Variants in GRM8 observed in about 807,000 individuals in gnomAD.
GRM8 encodes the protein glutamate metabotropic receptor 8, also known as metabotropic glutamate receptor 8.
GRM8 carries 47 observed loss-of-function variants against 87.2 expected under a neutral mutation model. The observed-to-expected ratio is 0.54, with a 90% CI of 0.43 to 0.69. GRM8 has a LOEUF of 0.69. GRM8 is among the 30% of genes least tolerant of loss of function. GRM8 has a pLI of 0.00. For missense variants in GRM8, 1,019 were observed against 1,139.2 expected, an observed-to-expected ratio of 0.89 and a Z score of 1.52; for synonymous variants, 396 against 404.5, an observed-to-expected ratio of 0.98 and a Z score of 0.25.
chr7:126,631,966 C>G (rs184038083), intron 7 of GRM8, among the ~76,000 whole-genome samples: 2 of 152,220 alleles, frequency 1.3e-5, no homozygotes, highest in Non-Finnish European at 2.9e-5. Flanking sequence ...AGGACATAGG[C>G]ATGGGCAAAG....
chr7:126,525,909 T>A (rs1198679099), intron 9 of GRM8, among the ~76,000 whole-genome samples: 1 of 152,222 alleles, frequency 6.6e-6, no homozygotes, highest in Non-Finnish European at 1.5e-5. Flanking sequence ...TTTCTTTTAA[T>A]TATTCAAATA....
At chr7:127,168,258 C>G (rs999558168) in intron 2 of GRM8, among the ~76,000 whole-genome samples, 2 of 152,182 alleles carry the variant, frequency 1.3e-5, no homozygotes, top group Non-Finnish European at 2.9e-5. Flanking sequence ...TTTTAAAAAG[C>G]TCTTCATCAC....
chr7:126,992,374 AC>A (rs1812743137), intron 3 of GRM8, among the ~76,000 whole-genome samples: 1 of 152,218 alleles, frequency 6.6e-6, no homozygotes, highest in South Asian at 2.1e-4. Flanking sequence ...TTAAAAATCT[AC>A]AAAAAGCCAC....
chr7:126,453,494 CTTAACCT>C (rs1200342687), intron 9 of GRM8, among the ~76,000 whole-genome samples: 2 of 151,682 alleles, frequency 1.3e-5, no homozygotes, highest in African/African-American at 4.8e-5. Flanking sequence ...TTTCTGAACC[CTTAACCT>C]TGGAATGATT....
intron 3 of GRM8, among the ~76,000 whole-genome samples, chr7:127,060,824 T>A (rs1034164493): frequency 2.3e-4 from 33 of 142,352 alleles, no homozygotes; most frequent in Admixed American, 5.5e-4. Context: ...AAAAAAAAAA[T>A]TTAACTCATT....
intron 7 of GRM8, among the ~76,000 whole-genome samples, chr7:126,684,199 T>C (rs1807919677): frequency 6.6e-6 from 1 of 152,138 alleles, no homozygotes; most frequent in South Asian, 2.1e-4. Flanking sequence ...AGGCTGATAC[T>C]CTGAACCTAG....
intron 3 of GRM8, among the ~76,000 whole-genome samples, chr7:126,964,986 G>A (rs1319652745): frequency 1.3e-5 from 2 of 152,120 alleles, no homozygotes; most frequent in Non-Finnish European, 1.5e-5. Flanking sequence ...GCCATAAAAA[G>A]GATGAGTTCA....
At chr7:126,753,732 A>T (rs143371102) in intron 7 of GRM8, among the ~76,000 whole-genome samples, 1 of 152,024 alleles carries the variant, frequency 6.6e-6, no homozygotes, top group East Asian at 1.9e-4. Context: ...TTCCACCTCA[A>T]ATACTGAAAG....
At chr7:126,701,224 G>T (rs901873015) in intron 7 of GRM8, among the ~76,000 whole-genome samples, 2 of 152,138 alleles carry the variant, frequency 1.3e-5, no homozygotes, top group African/African-American at 4.8e-5. Context: ...AGGCCCGGAA[G>T]GTTGGGGGTG....
intron 9 of GRM8, among the ~76,000 whole-genome samples, chr7:126,464,662 C>T (rs957467536): frequency 5.9e-5 from 9 of 151,372 alleles, no homozygotes; most frequent in African/African-American, 1.7e-4. Context: ...GAGGTTGCCA[C>T]GAGGCTTGCA....
At chr7:126,516,355 C>A (rs767050069) in intron 9 of GRM8, among the ~76,000 whole-genome samples, 5 of 152,066 alleles carry the variant, frequency 3.3e-5, no homozygotes, top group African/African-American at 1.2e-4. Context: ...GAACATTGTT[C>A]CTCTGTAGAA....
At chr7:126,999,392 G>C (rs2132018408) in intron 3 of GRM8, among the ~76,000 whole-genome samples, 1 of 151,826 alleles carries the variant, frequency 6.6e-6, no homozygotes, top group Non-Finnish European at 1.5e-5. Context: ...GGGCAAATGG[G>C]ATCACATCAG....
At chr7:126,968,228 TGAAAA>T (rs1810069962) in intron 3 of GRM8, among the ~76,000 whole-genome samples, 2 of 152,174 alleles carry the variant, frequency 1.3e-5, no homozygotes, top group South Asian at 4.1e-4. Flanking sequence ...GCTCTTAAAA[TGAAAA>T]GAAAATTGTG....
At chr7:126,532,931 A>C (rs773391850) in intron 9 of GRM8, 21 bp downstream of exon 9, 2 of 1,456,544 alleles carry the variant, frequency 1.4e-6, no homozygotes, top group South Asian at 2.5e-5. Flanking sequence ...AAAGTTGTCA[A>C]GTGTATTTCC....
At chr7:126,536,093 T>C (rs1815670548) in intron 8 of GRM8, among the ~76,000 whole-genome samples, 1 of 152,234 alleles carries the variant, frequency 6.6e-6, no homozygotes, top group Admixed American at 6.5e-5. Context: ...CAGCTCAAAT[T>C]AAACTTAGCT....
chr7:126,544,183 C>T (rs1816864959), intron 8 of GRM8, among the ~76,000 whole-genome samples: 1 of 152,098 alleles, frequency 6.6e-6, no homozygotes, highest in South Asian at 2.1e-4. Context: ...TCTCAAGGAC[C>T]ACCCAACCCC....
At chr7:126,493,487 C>T (rs954824960) in intron 9 of GRM8, among the ~76,000 whole-genome samples, 7 of 152,030 alleles carry the variant, frequency 4.6e-5, no homozygotes, top group Admixed American at 3.9e-4. Context: ...GAGCAATGAT[C>T]ATCTTTCCCG....
intron 7 of GRM8, among the ~76,000 whole-genome samples, chr7:126,626,345 G>T (rs1800688983): frequency 6.6e-6 from 1 of 152,050 alleles, no homozygotes; most frequent in Non-Finnish European, 1.5e-5. Flanking sequence ...TTTACTAAGA[G>T]TTTTTAAATT....
chr7:126,754,370 G>A (rs1324205351), intron 7 of GRM8, among the ~76,000 whole-genome samples: 2 of 151,798 alleles, frequency 1.3e-5, no homozygotes, highest in Non-Finnish European at 2.9e-5. Flanking sequence ...GATAGATGTT[G>A]TCCACAGTAC....
Sources: gnomAD v4.1 joint callset for allele counts (sites outside exome capture counted in the v4.1 genomes callset) on GRCh38, gnomAD v4.1.1 for gene constraint, MANE v1.5 for transcripts, NCBI Gene and HGNC (gene_info 2026-07-23, HGNC 2026-07-21) for gene names.